ANO1: variants seen among roughly 807,000 people sequenced by gnomAD.
ANO1 encodes anoctamin 1.
Under a neutral mutation model 124.0 loss-of-function variants are expected in ANO1, and 59 were observed. That is an observed-to-expected ratio of 0.48 (90% CI 0.39 to 0.59). The LOEUF (loss-of-function observed/expected upper bound fraction) is 0.59, where lower values mean the gene tolerates loss of function less well. Ranked by LOEUF, ANO1 falls within the 20% of genes least tolerant of loss-of-function variation. The pLI is 0.00. For missense variants in ANO1, 1,059 were observed against 1,328.0 expected (o/e 0.80, Z 3.15); for synonymous variants, 529 against 532.0 (o/e 0.99, Z 0.08).
At chr11:70,087,279 C>T (rs2509131) in intron 1 of ANO1, among the ~76,000 whole-genome samples, 52,755 of 152,048 alleles carry the variant, frequency 0.35, 9,411 homozygotes, top group Admixed American at 0.44. Flanking sequence ...TTACAAACAA[C>T]CCAGTTATGC....
At chr11:70,046,223 G>A (rs1857257823) in intron 1 of ANO1, among the ~76,000 whole-genome samples, 1 of 152,128 alleles carries the variant, frequency 6.6e-6, no homozygotes, top group African/African-American at 2.4e-5. Context: ...AAGCTTGTAT[G>A]GTTCCCTGTA....
In ANO1 at chr11:70,053,707, T is replaced by C. The variant is rs945313536; in HGVS notation, c.59-24835T>C. Among the ~76,000 whole-genome samples, 4 of 152,332 alleles carry C rather than the reference T, an allele frequency of 2.6e-5. No homozygotes were observed. The South Asian group carries it at 8.3e-4, about 32-fold the overall frequency. On this transcript the variant is annotated intron_variant, in intron 1 of 27. Transcript: ENST00000531349. ...AATATCCTTTTCAGGTTCAAATTCATTGGGAAATGGTCTCTCTCCCTATTC... is the reference window on the plus strand; with the variant it reads ...AATATCCTTTTCAGGTTCAAATTCACTGGGAAATGGTCTCTCTCCCTATTC...
intron 12 of ANO1, among the ~76,000 whole-genome samples, chr11:70,151,375 G>C (rs771384034): frequency 6.6e-6 from 1 of 152,194 alleles, no homozygotes; most frequent in African/African-American, 2.4e-5. Flanking sequence ...AGGGCAGAGC[G>C]GGGGCAGAGC....
intron 2 of ANO1, among the ~76,000 whole-genome samples, chr11:70,091,591 A>C (rs934688884): frequency 6.6e-6 from 1 of 152,176 alleles, no homozygotes; most frequent in Non-Finnish European, 1.5e-5. Flanking sequence ...AGAAGAGGAC[A>C]TGGAGGGAGA....
upstream of ANO1, among the ~76,000 whole-genome samples, chr11:70,078,013 A>C (rs553940438): frequency 9.8e-6 from 1 of 102,418 alleles, no homozygotes; most frequent in Non-Finnish European, 2.1e-5. Flanking sequence ...CCAGACTCCA[A>C]TCTCAGAAGC....
chr11:70,164,995 T>TA (rs1565268162), intron 19 of ANO1, among the ~76,000 whole-genome samples: 1 of 152,100 alleles, frequency 6.6e-6, no homozygotes. Context: ...CCCACAGACT[T>TA]AAAGTAACAG....
chr11:70,052,535 T>C (rs1310179972), intron 1 of ANO1, among the ~76,000 whole-genome samples: 25 of 43,130 alleles, frequency 5.8e-4, no homozygotes, highest in African/African-American at 2.0e-3. Flanking sequence ...TCTTTTCTTT[T>C]TTTTTTTTTT....
chr11:70,156,045 C>A, intron 15 of ANO1, 57 bp downstream of exon 15: 2 of 1,398,694 alleles, frequency 1.4e-6, no homozygotes, highest in South Asian at 3.0e-5. Context: ...CAATCAAAGT[C>A]GATTGTGTTT....
chr11:69,972,267 G>A, the ANO1 span, among the ~76,000 whole-genome samples: 1 of 150,484 alleles, frequency 6.6e-6, no homozygotes, highest in African/African-American at 2.4e-5. Flanking sequence ...GGCTACTGTT[G>A]AAAATGCCGG....
chr11:70,128,285 C>T (rs1433774497), intron 10 of ANO1, among the ~76,000 whole-genome samples: 1 of 152,024 alleles, frequency 6.6e-6, no homozygotes, highest in East Asian at 1.9e-4. Context: ...GTCCTGGGCA[C>T]TTGGGTTTGG....
intron 1 of ANO1, among the ~76,000 whole-genome samples, chr11:70,050,326 G>T (rs1177161421): frequency 1.3e-5 from 2 of 152,172 alleles, no homozygotes; most frequent in Non-Finnish European, 2.9e-5. Context: ...CAGGCTGCAG[G>T]ATTGGAGGGC....
intron 1 of ANO1, among the ~76,000 whole-genome samples, chr11:70,024,368 C>T (rs1042224334): frequency 1.3e-5 from 2 of 152,164 alleles, no homozygotes; most frequent in Admixed American, 6.5e-5. Flanking sequence ...AGTGGTGTTT[C>T]CTTAAGGAAA....
At chr11:70,110,327 C>T (rs1021756839) in intron 6 of ANO1, among the ~76,000 whole-genome samples, 1 of 151,806 alleles carries the variant, frequency 6.6e-6, no homozygotes, top group Non-Finnish European at 1.5e-5. Flanking sequence ...GCTGGGACTA[C>T]AGGCGCCCGC....
In ANO1 at chr11:70,167,196, A is replaced by G. The variant is rs770760648; in HGVS notation, c.2052-46A>G. The G allele has an allele frequency of 3.1e-6, 5 of 1,603,254 alleles. No homozygotes were observed. The South Asian group carries it at 5.6e-5, about 18-fold the overall frequency. ...TAGAGGTGCCAGACCCAAGCCCCCA[A>G]ATTCACCCTCCTGCAAACCTAACTG... is the stretch of plus-strand genomic sequence containing the variant. On this transcript the variant is annotated intron_variant, in intron 20 of 25. Coordinates refer to ENST00000355303, the MANE Select transcript of ANO1 (RefSeq NM_018043.7).
At chr11:70,139,616 G>A (rs563671545) in intron 11 of ANO1, among the ~76,000 whole-genome samples, 138 of 152,298 alleles carry the variant, frequency 9.1e-4, no homozygotes, top group Non-Finnish European at 1.2e-3. Flanking sequence ...AAGCCACCAC[G>A]CCCGGCCTGC....
chr11:70,004,838 C>T (rs1856455198), intron 1 of ANO1, among the ~76,000 whole-genome samples: 1 of 152,112 alleles, frequency 6.6e-6, no homozygotes, highest in African/African-American at 2.4e-5. Flanking sequence ...AGAGGCCGGG[C>T]GCTGTGGCTC....
chr11:70,105,689 A>C (rs1213681923), intron 4 of ANO1, 45 bp from the exon 5 acceptor site: 2 of 1,584,874 alleles, frequency 1.3e-6, no homozygotes, highest in South Asian at 1.1e-5. Flanking sequence ...GAGAACTGCC[A>C]GCTCTGGTGA....
At chr11:69,983,438 C>T (rs1554996501), upstream of ANO1, among the ~76,000 whole-genome samples, 1 of 152,168 alleles carries the variant, frequency 6.6e-6, no homozygotes, top group African/African-American at 2.4e-5. Context: ...ATGACAGGCA[C>T]GCCACCTCCC....
At chr11:70,044,885 T>G (rs1857236205) in intron 1 of ANO1, among the ~76,000 whole-genome samples, 2 of 152,218 alleles carry the variant, frequency 1.3e-5, no homozygotes, top group African/African-American at 4.8e-5. Flanking sequence ...AAAAACAAGC[T>G]GTTAAAGACA....
Sources: allele counts gnomAD v4.1 joint callset (sites outside exome capture counted in the v4.1 genomes callset), GRCh38; gene constraint gnomAD v4.1.1; transcripts MANE v1.5; gene names NCBI Gene and HGNC (gene_info 2026-07-23, HGNC 2026-07-21).